The following GPC4 variants were observed in gnomAD, a reference collection of about 807,000 sequenced individuals.
GPC4 encodes glypican 4.
A neutral mutation model predicts 35.0 loss-of-function variants in GPC4; 10 were observed. That is an observed-to-expected ratio of 0.29 (90% CI 0.18 to 0.48). The LOEUF (loss-of-function observed/expected upper bound fraction) is 0.48. GPC4 is among the 20% of genes least tolerant of loss of function. GPC4 has a pLI of 0.99. For missense variants in GPC4, 322 were observed against 451.3 expected (o/e 0.71, Z 2.60); for synonymous variants, 167 against 170.2 (o/e 0.98, Z 0.15).
chrX:133,361,016 G>C lies in GPC4; in HGVS notation c.161-21675C>G, dbSNP rs959974236. ...AACATGTTTAAAAGACAGTTTGATA[G>C]GTAAGGGAAAAATCTCTTACTCATA... On this transcript the variant is annotated intron_variant, in intron 1 of 8. Transcript: ENST00000370828. Among the ~76,000 whole-genome samples, 23 of 111,608 alleles carry C rather than the reference G, an allele frequency of 2.1e-4. 2 individuals are homozygous for C. The highest frequency in any genetic ancestry group is 9.5e-5 in the Admixed American group (1 of 10,517).
At chrX:133,333,398 A>G (rs1288925948) in intron 2 of GPC4, among the ~76,000 whole-genome samples, 1 of 112,865 alleles carries the variant, frequency 8.9e-6, no homozygotes, top group Non-Finnish European at 1.9e-5. Flanking sequence ...CTGCACATGC[A>G]TTTTCAATCC....
intron 1 of GPC4, among the ~76,000 whole-genome samples, chrX:133,345,765 A>G (rs1032008676): frequency 8.0e-5 from 9 of 111,985 alleles, no homozygotes; most frequent in Non-Finnish European, 1.3e-4. Context: ...TCAATTTGCA[A>G]ATCATTCTTT....
At chrX:133,398,858 C>T in intron 1 of GPC4, among the ~76,000 whole-genome samples, 1 of 111,354 alleles carries the variant, frequency 9.0e-6, no homozygotes, top group Non-Finnish European at 1.9e-5. Context: ...ACGGAAGACT[C>T]TGTTCTCAGA....
At chrX:133,392,155 C>T (rs778425316) in intron 1 of GPC4, among the ~76,000 whole-genome samples, 10 of 108,270 alleles carry the variant, frequency 9.2e-5, no homozygotes, top group Non-Finnish European at 1.9e-4. Flanking sequence ...ATTGCTTAAA[C>T]CCGGGAGGCA....
At chrX:133,314,309 T>C (rs1376451625) in intron 3 of GPC4, among the ~76,000 whole-genome samples, 2 of 112,302 alleles carry the variant, frequency 1.8e-5, no homozygotes, top group African/African-American at 6.5e-5. Flanking sequence ...AAGTGGTTCA[T>C]TGTATTCTTA....
chrX:133,331,757 TA>T (rs10685878), intron 2 of GPC4, among the ~76,000 whole-genome samples: 219 of 92,663 alleles, frequency 2.4e-3, no homozygotes, highest in Admixed American at 2.9e-3. Flanking sequence ...TGAGACTGTC[TA>T]AAAAAAAAAA....
At chrX:133,367,363 C>T (rs186952038) in intron 1 of GPC4, among the ~76,000 whole-genome samples, 1 of 112,485 alleles carries the variant, frequency 8.9e-6, no homozygotes, top group East Asian at 2.8e-4. Context: ...AGGAGATCGA[C>T]TTGATGGTGT....
chrX:133,342,234 A>G (rs925768319), intron 1 of GPC4, among the ~76,000 whole-genome samples: 8 of 108,625 alleles, frequency 7.4e-5, no homozygotes, highest in Non-Finnish European at 1.3e-4. Context: ...ACAGGGTTTC[A>G]CCATGTTGGC....
intron 4 of GPC4, among the ~76,000 whole-genome samples, chrX:133,307,953 G>A (rs1048539180): frequency 5.4e-5 from 6 of 111,673 alleles, no homozygotes; most frequent in East Asian, 2.8e-4. Context: ...TGAGCCAGCC[G>A]GCTATACACA....
In GPC4 at chrX:133,319,907, C is replaced by G. The variant is rs1249705308; in HGVS notation, c.711+4238G>C. Reference sequence around the variant, plus strand: ...TATTTTCTCAGGTATGCAAGTATGCCTTGCATGCTTGTATGCAGATGCATT... The same window carrying G: ...TATTTTCTCAGGTATGCAAGTATGCGTTGCATGCTTGTATGCAGATGCATT... On this transcript the variant is annotated intron_variant, in intron 3 of 8. Transcript: ENST00000370828. Among the ~76,000 whole-genome samples the G allele has an allele frequency of 2.7e-5, 3 of 111,638 alleles. No individual in the cohort carries two copies. In the South Asian group the frequency reaches 1.1e-3, roughly 41 times the overall value.
At chrX:133,389,368 T>G (rs1761550877) in intron 1 of GPC4, among the ~76,000 whole-genome samples, 1 of 111,994 alleles carries the variant, frequency 8.9e-6, no homozygotes, top group South Asian at 3.7e-4. Context: ...CAGGAGATAT[T>G]TGATAAATGC....
At chrX:133,341,569 T>A (rs1378309902) in intron 1 of GPC4, among the ~76,000 whole-genome samples, 1 of 111,105 alleles carries the variant, frequency 9.0e-6, no homozygotes, top group Non-Finnish European at 1.9e-5. Context: ...TCACCTAATG[T>A]TAACAGGGTT....
chrX:133,405,302 T>C (rs1196954317), intron 1 of GPC4, among the ~76,000 whole-genome samples: 1 of 110,379 alleles, frequency 9.1e-6, no homozygotes, highest in South Asian at 3.9e-4. Context: ...AGAGACGGGG[T>C]TTCTCCATGT....
chrX:133,414,375 C>T, intron 1 of GPC4: 1 of 514,698 alleles, frequency 1.9e-6, no homozygotes. Context: ...CCCCCACCCC[C>T]ACCCGGCCTC....
intron 2 of GPC4, among the ~76,000 whole-genome samples, chrX:133,325,304 G>A (rs1219104213): frequency 9.1e-6 from 1 of 110,247 alleles, no homozygotes; most frequent in Non-Finnish European, 1.9e-5. Context: ...GAGAGACAGA[G>A]AGAGAGAGAG....
chrX:133,351,776 C>T (rs1327887940), intron 1 of GPC4, among the ~76,000 whole-genome samples: 3 of 111,912 alleles, frequency 2.7e-5, no homozygotes, highest in Non-Finnish European at 5.6e-5. Flanking sequence ...TCAACTAGAC[C>T]ACTGCAAGAG....
intron 1 of GPC4, among the ~76,000 whole-genome samples, chrX:133,391,122 T>A (rs1402076716): frequency 8.9e-6 from 1 of 112,029 alleles, no homozygotes; most frequent in African/African-American, 3.2e-5. Flanking sequence ...TAGAAACCCA[T>A]CCCGAATCAA....
chrX:133,413,673 C>T (rs2068823031), intron 1 of GPC4, among the ~76,000 whole-genome samples: 2 of 110,189 alleles, frequency 1.8e-5, no homozygotes, highest in African/African-American at 6.6e-5. Context: ...CGTTAGATTA[C>T]GCTGGCCACC....
chrX:133,327,669 G>GTA (rs1156341097), intron 2 of GPC4, among the ~76,000 whole-genome samples: 20 of 107,850 alleles, frequency 1.9e-4, no homozygotes, highest in African/African-American at 6.8e-4. Context: ...GTGTGTGTGT[G>GTA]TGTGTGTGTG....
Sources: gnomAD v4.1 joint callset for allele counts (sites outside exome capture counted in the v4.1 genomes callset) on GRCh38, gnomAD v4.1.1 for gene constraint, MANE v1.5 for transcripts, NCBI Gene and HGNC (gene_info 2026-07-23, HGNC 2026-07-21) for gene names.